The following PGM2L1 variants were observed in gnomAD, a reference collection of about 807,000 sequenced individuals.
PGM2L1 encodes phosphoglucomutase 2 like 1.
A neutral mutation model predicts 73.4 loss-of-function variants in PGM2L1; 35 were observed. The observed-to-expected ratio is 0.48, with a 90% confidence interval of 0.36 to 0.63. The LOEUF (loss-of-function observed/expected upper bound fraction) is 0.63, where lower values mean the gene tolerates loss of function less well. PGM2L1 is among the 30% of genes least tolerant of loss of function. PGM2L1 has a pLI of 0.00. For missense variants in PGM2L1, 570 were observed against 742.0 expected (o/e 0.77, Z 2.69); for synonymous variants, 225 against 253.8 (o/e 0.89, Z 1.08).
At chr11:74,380,588 T>G (rs1862927641) in intron 1 of PGM2L1, among the ~76,000 whole-genome samples, 1 of 152,094 alleles carries the variant, frequency 6.6e-6, no homozygotes, top group Admixed American at 6.6e-5. Context: ...ATCCTTGAAA[T>G]ATTATCATTT....
intron 1 of PGM2L1, 115 bp downstream of exon 1, chr11:74,397,936 C>T: frequency 7.2e-7 from 1 of 1,379,894 alleles, no homozygotes; most frequent in Non-Finnish European, 9.4e-7. Flanking sequence ...CCGCTGCCCC[C>T]CGCTCGGTGT....
At position 74,342,384 on chromosome 11, in the gene PGM2L1, T is replaced by C. The variant is rs577210483; in HGVS notation, c.1632+77A>G. ...ACTGGATTGAATCTCATGTGAAATC[T>C]GTCCTGCCTCTGGACTTTTTGGTGA... On this transcript the variant is annotated intron_variant, in intron 12 of 13. Transcript: ENST00000298198. The C allele has an allele frequency of 1.9e-5, 21 of 1,135,064 alleles. No homozygotes were observed. The South Asian group carries it at 2.8e-4, about 15-fold the overall frequency. 70.3% of individuals were successfully genotyped at this position (1,135,064 alleles called of 1,614,324 possible).
In PGM2L1 at chr11:74,352,363, A is replaced by G. The variant is rs896859456; in HGVS notation, c.556-787T>C. Among the ~76,000 whole-genome samples the G allele has an allele frequency of 2.0e-5, 3 of 152,222 alleles. No homozygotes were observed. The East Asian group carries it at 5.8e-4, about 29-fold the overall frequency. On this transcript the variant is annotated intron_variant, in intron 5 of 13. Coordinates refer to ENST00000298198, the MANE Select transcript of PGM2L1 (RefSeq NM_173582.6). ...ATTTCTATTATAAAGTAGAATTTAT[A>G]TCATACCAAATATAGTTTATTAACA...
rs1040330616 is a variant in PGM2L1 at position 74,361,085 on chromosome 11, C to T, written c.555+7407G>A. On this transcript the variant is annotated intron_variant, in intron 5 of 13. Coordinates refer to ENST00000298198, the MANE Select transcript of PGM2L1 (RefSeq NM_173582.6). ...CAGCACGGAGTTTGAGATCTGAGAA[C>T]GGAGAGACTGCCTCCTCAAGTGGGT... Among the ~76,000 whole-genome samples the T allele has an allele frequency of 9.2e-5, 14 of 152,162 alleles. No individual in the cohort carries two copies. In the South Asian group the frequency reaches 1.2e-3, roughly 14 times the overall value.
chr11:74,360,707 T>C (rs1862548951), intron 5 of PGM2L1, among the ~76,000 whole-genome samples: 1 of 152,140 alleles, frequency 6.6e-6, no homozygotes, highest in Admixed American at 6.5e-5. Context: ...CACCCTAATA[T>C]TGCGCTTTTC....
intron 12 of PGM2L1, 86 bp downstream of exon 12, chr11:74,342,375 T>C (rs1414963127): frequency 1.9e-6 from 2 of 1,052,218 alleles, no homozygotes; most frequent in Non-Finnish European, 2.6e-6. Flanking sequence ...TTGAATCTCA[T>C]GTGAAATCTG....
intron 5 of PGM2L1, 57 bp downstream of exon 5, chr11:74,368,435 A>G: frequency 7.0e-7 from 1 of 1,431,982 alleles, no homozygotes; most frequent in South Asian, 1.2e-5. Context: ...AACACATATT[A>G]TTTGAATAAA....
chr11:74,392,572 G>A, intron 1 of PGM2L1, among the ~76,000 whole-genome samples: 1 of 151,508 alleles, frequency 6.6e-6, no homozygotes. Context: ...ACGGAGTCTG[G>A]CTCTGTCGCC....
chr11:74,353,870 GC>G (rs1353424118), intron 5 of PGM2L1, among the ~76,000 whole-genome samples: 39 of 145,466 alleles, frequency 2.7e-4, no homozygotes, highest in East Asian at 4.2e-4. Context: ...AGATGGGGTG[GC>G]TGCCGGGCGG....
At chr11:74,368,698 C>T in intron 4 of PGM2L1, 123 bp from the exon 5 acceptor site, 2 of 628,078 alleles carry the variant, frequency 3.2e-6, no homozygotes, top group Non-Finnish European at 5.4e-6. Context: ...TTGTTGATAC[C>T]CTCTTTATTT....
intron 6 of PGM2L1, among the ~76,000 whole-genome samples, 160 bp from the exon 7 acceptor site, chr11:74,347,497 A>G (rs1370002661): frequency 1.3e-5 from 2 of 152,228 alleles, no homozygotes; most frequent in African/African-American, 4.8e-5. Context: ...GTACTAACTT[A>G]AAGATCAAGA....
At chr11:74,392,593 T>A (rs933429880) in intron 1 of PGM2L1, among the ~76,000 whole-genome samples, 1 of 151,644 alleles carries the variant, frequency 6.6e-6, no homozygotes, top group Non-Finnish European at 1.5e-5. Context: ...CAGGCTGGAG[T>A]GCAGTGGCGC....
intron 1 of PGM2L1, among the ~76,000 whole-genome samples, chr11:74,382,544 G>A (rs538786212): frequency 6.6e-6 from 1 of 152,092 alleles, no homozygotes; most frequent in South Asian, 2.1e-4. Flanking sequence ...TGTCACCTAG[G>A]CTGGAGTACA....
intron 8 of PGM2L1, 117 bp from the exon 9 acceptor site, chr11:74,345,766 A>AT: frequency 1.1e-6 from 1 of 870,778 alleles, no homozygotes; most frequent in South Asian, 1.6e-5. Context: ...ATCATATGGG[A>AT]TTTTTGAGAA....
At chr11:74,363,768 A>T (rs1265508240) in intron 5 of PGM2L1, among the ~76,000 whole-genome samples, 2 of 152,222 alleles carry the variant, frequency 1.3e-5, no homozygotes, top group Non-Finnish European at 2.9e-5. Flanking sequence ...TTCACAGCCG[A>T]ATTCTATTGG....
chr11:74,375,545 T>C (rs1312622048), intron 1 of PGM2L1, among the ~76,000 whole-genome samples: 4 of 152,200 alleles, frequency 2.6e-5, no homozygotes, highest in African/African-American at 4.8e-5. Context: ...ACATCCATAG[T>C]ATATACAATG....
intron 5 of PGM2L1, among the ~76,000 whole-genome samples, chr11:74,360,686 C>T (rs1209274729): frequency 6.6e-6 from 1 of 152,114 alleles, no homozygotes; most frequent in Admixed American, 6.5e-5. Context: ...CCTGGAAAAT[C>T]GGGTAACTCC....
At chr11:74,347,427 G>T in intron 6 of PGM2L1, 90 bp from the exon 7 acceptor site, 1 of 1,085,994 alleles carries the variant, frequency 9.2e-7, no homozygotes, top group Non-Finnish European at 1.3e-6. Context: ...TTGAAAATGT[G>T]ATTAAATGTG....
chr11:74,392,658 C>T (rs1863119843), intron 1 of PGM2L1, among the ~76,000 whole-genome samples: 1 of 152,106 alleles, frequency 6.6e-6, no homozygotes, highest in Admixed American at 6.5e-5. Flanking sequence ...TCTCCTGCCT[C>T]AGCCTCCCGA....
Sources: allele counts gnomAD v4.1 joint callset (sites outside exome capture counted in the v4.1 genomes callset), GRCh38; gene constraint gnomAD v4.1.1; transcripts MANE v1.5; gene names NCBI Gene and HGNC (gene_info 2026-07-23, HGNC 2026-07-21).